The following MASTL variants were observed in gnomAD, a reference collection of about 807,000 sequenced individuals.
MASTL encodes the protein microtubule associated serine/threonine kinase like.
MASTL carries 54 observed loss-of-function variants against 82.5 expected under a neutral mutation model. That is an observed-to-expected ratio of 0.65 (90% CI 0.53 to 0.82). The LOEUF (loss-of-function observed/expected upper bound fraction) is 0.82, where lower values mean the gene tolerates loss of function less well. MASTL is among the 40% of genes least tolerant of loss of function. The pLI, the probability that MASTL is intolerant of heterozygous loss-of-function variation, is 0.00. For missense variants in MASTL, 950 were observed against 1,047.8 expected, an observed-to-expected ratio of 0.91 and a Z score of 1.29; for synonymous variants, 323 against 368.9, an observed-to-expected ratio of 0.88 and a Z score of 1.43.
At position 27,155,460 on chromosome 10, in the gene MASTL, G is replaced by C. The variant is rs151176548; in HGVS notation, c.34G>C (p.Gly12Arg). The stretch of plus-strand genomic sequence containing the variant: ...CACCGCGGGAAGCAAGAAGGAGCCT[G>C]GAGGAGGCGCGGCGACTGAGGAGGG... ...DPTAGSKKEP[G>R]GGAATEEGVN... is the part of the protein sequence containing the mutation. Residue 12 changes from glycine (G) to arginine (R), a missense_variant, in exon 1 of 12, where the codon GGA (glycine) becomes CGA (arginine). Physicochemically the swap from Gly to Arg is moderately radical, Grantham distance 125 (BLOSUM62 -2). Coordinates refer to ENST00000375940, the MANE Select transcript of MASTL (RefSeq NM_001172303.3). 3,095 of 1,613,378 alleles carry C rather than the reference G, an allele frequency of 1.9e-3. 44 individuals are homozygous for C. In the South Asian group the frequency reaches 0.019, roughly 10 times the overall value.
In MASTL at chr10:27,187,403, G is replaced by T. The variant is rs909106338; in HGVS notation, c.*867G>T. ...CTTTCACTTACTTTACTAATGATAC[G>T]GTTTTGCCACCTTAATTTCTATTGG... is the stretch of plus-strand genomic sequence containing the variant. On this transcript the variant is annotated 3_prime_UTR_variant, in exon 12 of 12. Transcript: ENST00000375940. Among the ~76,000 whole-genome samples, 4 of 152,150 alleles carry T rather than the reference G, an allele frequency of 2.6e-5. No individual in the cohort carries two copies. Among genetic ancestry groups the T allele is most frequent in the Non-Finnish European group, 5.9e-5 (4 of 68,024 alleles).
At chr10:27,164,737 A>C (rs2057685842) in intron 4 of MASTL, among the ~76,000 whole-genome samples, 1 of 151,910 alleles carries the variant, frequency 6.6e-6, no homozygotes, top group Non-Finnish European at 1.5e-5. Flanking sequence ...TCCCGTGTTC[A>C]AGTGATTCTC....
chr10:27,184,553 G>GCTTTT (rs2058535007), intron 11 of MASTL, among the ~76,000 whole-genome samples: 1 of 74,918 alleles, frequency 1.3e-5, no homozygotes. Context: ...ATATAAGAAG[G>GCTTTT]ATTTTTTTTT....
At chr10:27,183,116 T>C (rs778322855) in intron 11 of MASTL, among the ~76,000 whole-genome samples, 2 of 152,224 alleles carry the variant, frequency 1.3e-5, no homozygotes, top group Non-Finnish European at 2.9e-5. Flanking sequence ...TCATTTTTGA[T>C]ACTATTATTT....
chr10:27,186,672 C>A lies in MASTL; in HGVS notation c.*136C>A. 1 of 813,564 alleles carries A rather than the reference C, an allele frequency of 1.2e-6. No homozygotes were observed. Among genetic ancestry groups the A allele is most frequent in the South Asian group, 1.4e-5 (1 of 70,038 alleles). The allele number at this position is 813,564 out of a possible 1,614,324, so 50.4% of individuals were successfully genotyped here. On this transcript the variant is annotated 3_prime_UTR_variant, in exon 12 of 12. Transcript: ENST00000375940. ...TTCAATGTGCTTTTAATGTACGTTA[C>A]AGCTTTCACAGAGTTAAAAGGCTGA...
At chr10:27,160,127 C>G (rs2135974001) in intron 3 of MASTL, among the ~76,000 whole-genome samples, 1 of 130,334 alleles carries the variant, frequency 7.7e-6, no homozygotes, top group East Asian at 2.4e-4. Context: ...TCCCAAGTGT[C>G]TGGGAGTAGA....
Position 27,165,530 on chromosome 10 carries a change from C to T in MASTL, c.802C>T (p.Leu268=). The part of the protein sequence containing the change: ...KDTTPYSSKL[L]KSCLETVASN... The stretch of plus-strand genomic sequence containing the variant: ...CACTACGCCTTATTCTAGCAAATTA[C>T]TAAAATCATGTGAGTATAAAAGAAA... The change falls in exon 6 of 12, where the codon CTA becomes TTA. Residue 268 remains leucine, a synonymous_variant. Transcript: ENST00000375940. 1 of 1,614,052 alleles carries T rather than the reference C, an allele frequency of 6.2e-7. No homozygotes were observed. Among genetic ancestry groups the T allele is most frequent in the Non-Finnish European group, 8.5e-7 (1 of 1,180,004 alleles).
intron 1 of MASTL, among the ~76,000 whole-genome samples, chr10:27,158,214 G>A (rs1246833281): frequency 6.6e-6 from 1 of 152,162 alleles, no homozygotes; most frequent in Non-Finnish European, 1.5e-5. Context: ...TGAAACCTGA[G>A]ATCACTCTGT....
chr10:27,187,671 G>A lies in MASTL; in HGVS notation c.*1135G>A, dbSNP rs1478119573. ...GGAGGCTGAGGCATGAGAATCGCTTGAACCCAGGAGGTGGAGATTGCAGTG... is the reference window on the plus strand; with the variant it reads ...GGAGGCTGAGGCATGAGAATCGCTTAAACCCAGGAGGTGGAGATTGCAGTG... On this transcript the variant is annotated 3_prime_UTR_variant, in exon 12 of 12. Transcript: ENST00000375940. Among the ~76,000 whole-genome samples, 1 of 151,154 alleles carries A rather than the reference G, an allele frequency of 6.6e-6. No individual in the cohort carries two copies.
At chr10:27,155,200 G>A, upstream of MASTL, 1 of 578,290 alleles carries the variant, frequency 1.7e-6, no homozygotes, top group African/African-American at 1.9e-5. Flanking sequence ...TGATGTCAGT[G>A]GGGCCGCGGT....
chr10:27,167,208 C>A lies in MASTL; in HGVS notation c.918C>A (p.Ser306=), dbSNP rs543823603. The A allele has an allele frequency of 5.3e-5, 86 of 1,614,104 alleles. 2 individuals carry two copies. In the South Asian group the frequency reaches 9.3e-4, roughly 18 times the overall value. Reference sequence around the variant, plus strand: ...CCACATCCAGTGCCAGTAGTCAATCCCACACCTTCATATCCAGTGTGGAAT... The same window carrying A: ...CCACATCCAGTGCCAGTAGTCAATCACACACCTTCATATCCAGTGTGGAAT... ...RLATSSASSQ[S]HTFISSVESE... Residue 306 remains serine (S), a synonymous_variant, in exon 7 of 12, where the codon TCC becomes TCA. Coordinates refer to ENST00000375940, the MANE Select transcript of MASTL (RefSeq NM_001172303.3).
intron 7 of MASTL, among the ~76,000 whole-genome samples, chr10:27,168,993 A>G (rs2057829768): frequency 6.6e-6 from 1 of 152,160 alleles, no homozygotes. Context: ...TTGCAATATT[A>G]TATACAAAGC....
chr10:27,182,983 G>T (rs1339916008), intron 11 of MASTL, among the ~76,000 whole-genome samples: 1 of 152,148 alleles, frequency 6.6e-6, no homozygotes, highest in Admixed American at 6.6e-5. Context: ...GTTTTTCAAA[G>T]CCTGATAAAG....
chr10:27,176,267 C>T (rs1316989942), intron 9 of MASTL, among the ~76,000 whole-genome samples: 1 of 152,172 alleles, frequency 6.6e-6, no homozygotes, highest in Non-Finnish European at 1.5e-5. Context: ...TTCTTCTCTG[C>T]CACTGTTCTC....
Position 27,184,491 on chromosome 10 carries a change from GTGTC to G in MASTL, c.2483-1885_2483-1882del, listed in dbSNP as rs142781222. ...TAGTATTATTTCAGAATAGATGTGA[GTGTC>G]TGAATGCAACATATTGGTCAGATTG... On this transcript the variant is annotated intron_variant, in intron 11 of 11. Transcript: ENST00000375940. 5.5e-3 allele frequency among the ~76,000 whole-genome samples: 834 copies of G among 150,796 alleles called. 13 individuals are homozygous for G. Among genetic ancestry groups the G allele is most frequent in the African/African-American group, 0.019 (782 of 41,066 alleles).
At chr10:27,155,300 G>T, upstream of MASTL, 2 of 917,000 alleles carry the variant, frequency 2.2e-6, no homozygotes, top group Non-Finnish European at 3.2e-6. Context: ...GACGAGGGCG[G>T]GGCGCGGCGG....
At chr10:27,172,523 G>A (rs2057981149) in intron 8 of MASTL, among the ~76,000 whole-genome samples, 1 of 152,112 alleles carries the variant, frequency 6.6e-6, no homozygotes, top group African/African-American at 2.4e-5. Context: ...GCATGGTGGT[G>A]TATGCCTGTA....
At chr10:27,173,488 T>C (rs989427429) in intron 9 of MASTL, among the ~76,000 whole-genome samples, 2 of 152,188 alleles carry the variant, frequency 1.3e-5, no homozygotes, top group Admixed American at 1.3e-4. Context: ...TAGTCATTTG[T>C]CCTTTGCCTT....
In MASTL at chr10:27,170,438, A is replaced by G. The variant is rs575982959; in HGVS notation, c.1479A>G (p.Leu493=). ...CAGTTGAAGTGCAGGACCTTAAGCT[A>G]TCAGTGCACAAAAGTCAACAAAATG... ...GLTVEVQDLK[L]SVHKSQQNDC... is the part of the protein sequence containing the mutation. The change falls in exon 8 of 12, where the codon CTA becomes CTG. Residue 493 remains leucine, a synonymous_variant. Transcript: ENST00000375940. 31 of 1,614,180 alleles carry G rather than the reference A, an allele frequency of 1.9e-5. No individual in the cohort carries two copies. The highest frequency in any genetic ancestry group is 1.6e-4 in the Middle Eastern group (1 of 6,062).
Sources: gnomAD v4.1 joint callset for allele counts (sites outside exome capture counted in the v4.1 genomes callset) on GRCh38, gnomAD v4.1.1 for gene constraint, MANE v1.5 for transcripts, NCBI Gene and HGNC (gene_info 2026-07-23, HGNC 2026-07-21) for gene names.